Variants in NXPH1 observed in about 807,000 individuals in gnomAD.
NXPH1 encodes neurexophilin 1.
A neutral mutation model predicts 23.7 loss-of-function variants in NXPH1; 5 were observed. The ratio of observed to expected loss-of-function variants is 0.21; its 90% CI spans 0.11 to 0.44. NXPH1 has a LOEUF of 0.44. Ranked by LOEUF, NXPH1 falls within the 20% of genes least tolerant of loss-of-function variation. The pLI is 0.99. For synonymous variants in NXPH1, 144 were observed against 122.2 expected, an observed-to-expected ratio of 1.18 and a Z score of -1.18; for missense variants, 324 against 321.6, an observed-to-expected ratio of 1.01 and a Z score of -0.06.
At chr7:8,465,487 G>T (rs1236519370) in intron 2 of NXPH1, among the ~76,000 whole-genome samples, 1 of 152,160 alleles carries the variant, frequency 6.6e-6, no homozygotes, top group Non-Finnish European at 1.5e-5. Context: ...TATGTGGGAT[G>T]CCTGCAGTGT....
At chr7:8,566,310 T>C (rs1818545135) in intron 2 of NXPH1, among the ~76,000 whole-genome samples, 1 of 151,820 alleles carries the variant, frequency 6.6e-6, no homozygotes, top group African/African-American at 2.4e-5. Flanking sequence ...ATTAAACCTG[T>C]TGTTTAGCTT....
intron 2 of NXPH1, among the ~76,000 whole-genome samples, chr7:8,648,390 C>T (rs1820429858): frequency 1.3e-5 from 2 of 152,092 alleles, no homozygotes; most frequent in Admixed American, 1.3e-4. Context: ...TTTTTAGATC[C>T]CACAGATAAG....
At chr7:8,574,847 A>T (rs1269064983) in intron 2 of NXPH1, among the ~76,000 whole-genome samples, 1 of 152,166 alleles carries the variant, frequency 6.6e-6, no homozygotes, top group Non-Finnish European at 1.5e-5. Context: ...ATGAATCAGA[A>T]AACTGAGCAT....
chr7:8,717,085 C>A (rs1779890271), intron 2 of NXPH1, among the ~76,000 whole-genome samples: 1 of 152,120 alleles, frequency 6.6e-6, no homozygotes, highest in Non-Finnish European at 1.5e-5. Context: ...GTAACCATGT[C>A]TTCTCTTACT....
chr7:8,739,773 C>T lies in NXPH1; in HGVS notation c.55-11235C>T, dbSNP rs115302373. Among the ~76,000 whole-genome samples, 505 of 152,142 alleles carry T rather than the reference C, an allele frequency of 3.3e-3. 2 individuals are homozygous for T. The highest frequency in any genetic ancestry group is 0.011 in the African/African-American group (476 of 41,518). ...ACAAAATATTTTCTTTCTTTCCATCCTTATTCTATAAACTTTTTCTATTTT... is the reference window on the plus strand; with the variant it reads ...ACAAAATATTTTCTTTCTTTCCATCTTTATTCTATAAACTTTTTCTATTTT... On this transcript the variant is annotated intron_variant, in intron 2 of 2. Coordinates refer to ENST00000405863, the MANE Select transcript of NXPH1 (RefSeq NM_152745.3).
intron 2 of NXPH1, among the ~76,000 whole-genome samples, chr7:8,575,889 C>G (rs971764267): frequency 2.0e-5 from 3 of 152,084 alleles, no homozygotes; most frequent in Admixed American, 6.6e-5. Flanking sequence ...ATTATTTCCT[C>G]TCTCTCCAGT....
intron 2 of NXPH1, among the ~76,000 whole-genome samples, chr7:8,634,899 A>G (rs1820195235): frequency 6.6e-6 from 1 of 152,168 alleles, no homozygotes; most frequent in African/African-American, 2.4e-5. Flanking sequence ...TTCACAAGAC[A>G]CTTTTAAAGT....
intron 2 of NXPH1, among the ~76,000 whole-genome samples, chr7:8,461,699 G>A (rs374639276): frequency 0.37 from 54,630 of 148,288 alleles, 10,537 homozygotes; most frequent in East Asian, 0.62. Context: ...GCGCGGTGGC[G>A]GGCGCCTGTA....
intron 2 of NXPH1, among the ~76,000 whole-genome samples, chr7:8,537,819 T>C (rs994364641): frequency 3.1e-4 from 47 of 151,904 alleles, no homozygotes; most frequent in Non-Finnish European, 5.9e-4. Context: ...TAATTGGTAT[T>C]TTTTTCTCTG....
chr7:8,533,369 A>G (rs188958664), intron 2 of NXPH1, among the ~76,000 whole-genome samples: 3 of 152,240 alleles, frequency 2.0e-5, no homozygotes, highest in South Asian at 2.1e-4. Context: ...TGCTTTTAGC[A>G]TATATTCTAA....
chr7:8,650,163 C>G (rs1820468249), intron 2 of NXPH1, among the ~76,000 whole-genome samples: 1 of 152,092 alleles, frequency 6.6e-6, no homozygotes, highest in South Asian at 2.1e-4. Context: ...AAAATCTGAT[C>G]CAGCGTCTTT....
chr7:8,526,858 C>G (rs779055825), intron 2 of NXPH1, among the ~76,000 whole-genome samples: 1 of 152,160 alleles, frequency 6.6e-6, no homozygotes, highest in Non-Finnish European at 1.5e-5. Flanking sequence ...TGAAAACAGA[C>G]TAATATAATG....
At chr7:8,518,799 C>T (rs1817726332) in intron 2 of NXPH1, among the ~76,000 whole-genome samples, 1 of 152,142 alleles carries the variant, frequency 6.6e-6, no homozygotes, top group African/African-American at 2.4e-5. Flanking sequence ...TCTTTCTAAT[C>T]CATGGGTTTT....
chr7:8,656,174 A>G (rs1424765377), intron 2 of NXPH1, among the ~76,000 whole-genome samples: 2 of 152,226 alleles, frequency 1.3e-5, no homozygotes, highest in Non-Finnish European at 2.9e-5. Context: ...ATAAGAAGGA[A>G]ACGTAGCAAA....
At chr7:8,670,840 T>G (rs1211427730) in intron 2 of NXPH1, among the ~76,000 whole-genome samples, 1 of 152,222 alleles carries the variant, frequency 6.6e-6, no homozygotes, top group Non-Finnish European at 1.5e-5. Flanking sequence ...GGATTTGTGG[T>G]CTGGAAGGTT....
intron 2 of NXPH1, among the ~76,000 whole-genome samples, chr7:8,575,996 T>A (rs1369553139): frequency 6.6e-6 from 1 of 152,166 alleles, no homozygotes; most frequent in African/African-American, 2.4e-5. Flanking sequence ...GATTTTATCA[T>A]CTGTAAAAAC....
intron 2 of NXPH1, among the ~76,000 whole-genome samples, chr7:8,480,624 C>G (rs1449066974): frequency 1.3e-5 from 2 of 152,158 alleles, no homozygotes; most frequent in East Asian, 3.9e-4. Flanking sequence ...GTGGCTTAGT[C>G]ATGCCTTAAC....
At chr7:8,574,734 G>A (rs913070621) in intron 2 of NXPH1, among the ~76,000 whole-genome samples, 7 of 152,066 alleles carry the variant, frequency 4.6e-5, no homozygotes, top group African/African-American at 1.4e-4. Context: ...CTTGGATTCC[G>A]TCTCCTGCTG....
intron 2 of NXPH1, among the ~76,000 whole-genome samples, chr7:8,668,263 T>TG (rs1185061527): frequency 1.0e-5 from 1 of 95,766 alleles, no homozygotes; most frequent in Non-Finnish European, 2.7e-5. Flanking sequence ...TTTGTTTTTT[T>TG]TTTTTTATTT....
Sources: allele counts gnomAD v4.1 joint callset (sites outside exome capture counted in the v4.1 genomes callset), GRCh38; gene constraint gnomAD v4.1.1; transcripts MANE v1.5; gene names NCBI Gene and HGNC (gene_info 2026-07-23, HGNC 2026-07-21).